The following ANKRD27 variants were observed in gnomAD, a reference collection of about 807,000 sequenced individuals.
ANKRD27 encodes the protein ankyrin repeat domain-containing protein 27.
In ANKRD27, 112 loss-of-function variants were observed where a neutral mutation model predicts 129.7. The ratio of observed to expected loss-of-function variants is 0.86; its 90% CI spans 0.74 to 1.01. The LOEUF is 1.01. ANKRD27 is among the 50% of genes least tolerant of loss of function. The pLI is 0.00. For missense variants in ANKRD27, 1,258 were observed against 1,300.5 expected, an observed-to-expected ratio of 0.97 and a Z score of 0.50; for synonymous variants, 516 against 511.2, an observed-to-expected ratio of 1.01 and a Z score of -0.13.
chr19:32,673,737 TG>T (rs989109874), intron 1 of ANKRD27, among the ~76,000 whole-genome samples: 13 of 152,190 alleles, frequency 8.5e-5, no homozygotes, highest in African/African-American at 2.4e-4. Context: ...CCCAGCCTAC[TG>T]CTCACCCAGT....
intron 25 of ANKRD27, among the ~76,000 whole-genome samples, chr19:32,603,190 C>G (rs984555085): frequency 4.6e-5 from 7 of 151,976 alleles, no homozygotes; most frequent in African/African-American, 1.7e-4. Context: ...CCCAGCTACT[C>G]AGGAGGCTGA....
At chr19:32,642,366 C>T (rs553697134) in intron 9 of ANKRD27, among the ~76,000 whole-genome samples, 111 of 144,888 alleles carry the variant, frequency 7.7e-4, no homozygotes, top group African/African-American at 2.8e-3. Flanking sequence ...ACAAGAAAAG[C>T]TGAAAAAAAA....
At chr19:32,607,566 C>T in intron 23 of ANKRD27, 69 bp downstream of exon 23, 1 of 1,546,458 alleles carries the variant, frequency 6.5e-7, no homozygotes, top group Non-Finnish European at 8.8e-7. Context: ...CTGCAGCGTT[C>T]CTACCAAGCA....
intron 1 of ANKRD27, among the ~76,000 whole-genome samples, chr19:32,664,697 G>A (rs1010798790): frequency 1.3e-5 from 2 of 149,396 alleles, no homozygotes; most frequent in East Asian, 1.9e-4. Context: ...AGTGGCTCAT[G>A]CCTGTAATCC....
chr19:32,608,365 G>T, intron 22 of ANKRD27: 1 of 307,514 alleles, frequency 3.3e-6, no homozygotes, highest in Non-Finnish European at 6.4e-6. Flanking sequence ...TTTCCTTTGA[G>T]GGGCATGGCC....
chr19:32,604,259 C>G lies in ANKRD27; in HGVS notation c.2655+4G>C. On this transcript the variant is annotated splice_donor_region_variant and intron_variant, in intron 25 of 28. Coordinates refer to ENST00000306065, the MANE Select transcript of ANKRD27 (RefSeq NM_032139.3). ...CCCTCGGCTCTTCGACCCTCTCCAC[C>G]TACCTGTTCAGCACAGTCTACAGCC... The G allele has an allele frequency of 6.3e-7, 1 of 1,596,280 alleles. No individual in the cohort carries two copies. Among genetic ancestry groups the G allele is most frequent in the Non-Finnish European group, 8.6e-7 (1 of 1,166,642 alleles).
intron 13 of ANKRD27, among the ~76,000 whole-genome samples, chr19:32,629,841 GTTCTTTT>G (rs1966959630): frequency 9.0e-6 from 1 of 110,954 alleles, no homozygotes; most frequent in African/African-American, 3.8e-5. Flanking sequence ...TTCCTCTTGT[GTTCTTTT>G]TTTTTTTTTT....
At chr19:32,660,536 G>C (rs1023029656) in intron 1 of ANKRD27, among the ~76,000 whole-genome samples, 1 of 152,080 alleles carries the variant, frequency 6.6e-6, no homozygotes, top group African/African-American at 2.4e-5. Context: ...GAAAAAGAAA[G>C]AGGCCTGGGA....
chr19:32,632,290 AAAAT>A (rs1212235958), intron 12 of ANKRD27, among the ~76,000 whole-genome samples: 3 of 150,886 alleles, frequency 2.0e-5, no homozygotes, highest in Non-Finnish European at 4.4e-5. Context: ...CTCCATCTCA[AAAAT>A]AAATAAATAG....
Position 32,615,905 on chromosome 19 carries a change from A to G in ANKRD27, c.2053-125T>C, listed in dbSNP as rs1292716938. ...CGCTTCCTTCTCCAACCCCACAGCC[A>G]TTTATAACCGGCTTCTGCTCCCTCA... On this transcript the variant is annotated intron_variant, in intron 21 of 28. Transcript: ENST00000306065. The G allele has an allele frequency of 5.2e-6, 7 of 1,339,976 alleles. No individual in the cohort carries two copies. In the Admixed American group the frequency reaches 1.5e-4, roughly 28 times the overall value. The allele number at this position is 1,339,976 out of a possible 1,614,324, so 83.0% of individuals were successfully genotyped here.
chr19:32,656,352 A>G (rs1967536727), intron 2 of ANKRD27, among the ~76,000 whole-genome samples: 1 of 152,234 alleles, frequency 6.6e-6, no homozygotes, highest in South Asian at 2.1e-4. Flanking sequence ...TTCCCGCAGT[A>G]CGGCCAGGCC....
At chr19:32,616,572 G>A (rs992992262) in intron 21 of ANKRD27, among the ~76,000 whole-genome samples, 7 of 146,408 alleles carry the variant, frequency 4.8e-5, no homozygotes, top group Admixed American at 6.8e-5. Flanking sequence ...AAAAAAAGTG[G>A]AAGACACAGT....
chr19:32,659,128 ATTTTCT>A lies in ANKRD27; in HGVS notation c.-30-89_-30-84del, dbSNP rs1599772805. On this transcript the variant is annotated intron_variant, in intron 1 of 28. Transcript: ENST00000306065. The stretch of plus-strand genomic sequence containing the variant: ...AAAGTCTGCATCTGATGCATCTGGC[ATTTTCT>A]TTTTCTTTTTTTTTTTTTTTTTGAG... The A allele has an allele frequency of 1.8e-3, 910 of 513,582 alleles. 9 individuals are homozygous for A. Among genetic ancestry groups the A allele is most frequent in the Middle Eastern group, 3.0e-3 (8 of 2,628 alleles). 31.8% of individuals were successfully genotyped at this position (513,582 alleles called of 1,614,324 possible).
At chr19:32,661,654 T>C (rs114027253) in intron 1 of ANKRD27, among the ~76,000 whole-genome samples, 3,415 of 152,234 alleles carry the variant, frequency 0.022, 144 homozygotes, top group African/African-American at 0.078. Context: ...GAAGTTTTGA[T>C]GTGAATGGAC....
In ANKRD27 at chr19:32,604,583, A is replaced by G. The variant is rs559227678; in HGVS notation, c.2494-159T>C. On this transcript the variant is annotated intron_variant, in intron 24 of 28. Coordinates refer to ENST00000306065, the MANE Select transcript of ANKRD27 (RefSeq NM_032139.3). ...GGAAAAGTAATACTGAGAAAAAAAG[A>G]TTTATAGACAAAGAGTTCGCTGCAG... Among the ~76,000 whole-genome samples, 6 of 152,322 alleles carry G rather than the reference A, an allele frequency of 3.9e-5. No individual in the cohort carries two copies. The East Asian group carries it at 1.2e-3, about 29-fold the overall frequency.
At chr19:32,672,084 G>T (rs1164793507) in intron 1 of ANKRD27, among the ~76,000 whole-genome samples, 1 of 152,208 alleles carries the variant, frequency 6.6e-6, no homozygotes, top group Non-Finnish European at 1.5e-5. Context: ...TCAGCATGGG[G>T]GAATTCAGCC....
chr19:32,628,283 G>A, intron 14 of ANKRD27, 118 bp from the exon 15 acceptor site: 1 of 777,510 alleles, frequency 1.3e-6, no homozygotes, highest in South Asian at 1.6e-5. Flanking sequence ...TGCCACCCAA[G>A]AGATGTGTGT....
intron 21 of ANKRD27, among the ~76,000 whole-genome samples, chr19:32,616,675 T>C (rs1482772936): frequency 6.6e-6 from 1 of 152,140 alleles, no homozygotes; most frequent in African/African-American, 2.4e-5. Flanking sequence ...CTGTCAGATG[T>C]ACCTAATGGT....
intron 17 of ANKRD27, among the ~76,000 whole-genome samples, chr19:32,625,614 T>C (rs1439424654): frequency 6.6e-6 from 1 of 151,900 alleles, no homozygotes; most frequent in Non-Finnish European, 1.5e-5. Flanking sequence ...TATTTTTAGT[T>C]GAGATGGGGG....
Sources: gnomAD v4.1 joint callset for allele counts (sites outside exome capture counted in the v4.1 genomes callset) on GRCh38, gnomAD v4.1.1 for gene constraint, MANE v1.5 for transcripts, NCBI Gene and HGNC (gene_info 2026-07-23, HGNC 2026-07-21) for gene names.